Variants in SPTBN1 observed in about 807,000 individuals in gnomAD.
SPTBN1 encodes the protein spectrin beta, non-erythrocytic 1.
In SPTBN1, 32 loss-of-function variants were observed where a neutral mutation model predicts 266.4. That is an observed-to-expected ratio of 0.12 (90% CI 0.09 to 0.16). The LOEUF is 0.16. Among genes scored for constraint, SPTBN1 ranks in the 10% least tolerant of loss-of-function variants. The pLI is 1.00. For synonymous variants in SPTBN1, 1,336 were observed against 1,162.2 expected, an observed-to-expected ratio of 1.15 and a Z score of -3.04; for missense variants, 2,296 against 3,067.1, an observed-to-expected ratio of 0.75 and a Z score of 5.94.
At chr2:54,577,457 GA>G (rs1381097247) in intron 2 of SPTBN1, among the ~76,000 whole-genome samples, 3 of 152,204 alleles carry the variant, frequency 2.0e-5, no homozygotes, top group African/African-American at 7.2e-5. Context: ...GAAAGCAAAA[GA>G]AAAGGTATAT....
At chr2:54,579,679 C>T (rs1017323889) in intron 2 of SPTBN1, among the ~76,000 whole-genome samples, 16 of 152,140 alleles carry the variant, frequency 1.1e-4, no homozygotes, top group South Asian at 6.2e-4. Flanking sequence ...TTGTAAGTCC[C>T]GAGAACTCCT....
At chr2:54,495,025 T>A (rs2104053060) in intron 1 of SPTBN1, among the ~76,000 whole-genome samples, 1 of 151,906 alleles carries the variant, frequency 6.6e-6, no homozygotes, top group Admixed American at 6.6e-5. Context: ...GGGGCAGAAG[T>A]GGGCTGACAG....
At chr2:54,459,303 G>C (rs1208686531) in intron 1 of SPTBN1, among the ~76,000 whole-genome samples, 1 of 152,252 alleles carries the variant, frequency 6.6e-6, no homozygotes, top group East Asian at 1.9e-4. Flanking sequence ...TCTTGGGCAA[G>C]ACTAGTAACA....
intron 1 of SPTBN1, among the ~76,000 whole-genome samples, chr2:54,469,441 G>T (rs374906022): frequency 3.3e-5 from 5 of 152,280 alleles, no homozygotes; most frequent in African/African-American, 1.2e-4. Context: ...AATCTGAGCT[G>T]GGCTGGGTGG....
At chr2:54,457,104 C>T (rs551365321) in intron 1 of SPTBN1, among the ~76,000 whole-genome samples, 11 of 151,322 alleles carry the variant, frequency 7.3e-5, no homozygotes, top group African/African-American at 2.7e-4. Flanking sequence ...GCGGCGGCCC[C>T]GCGCCCCCAC....
intron 17 of SPTBN1, among the ~76,000 whole-genome samples, chr2:54,637,386 G>T (rs1679221533): frequency 6.6e-6 from 1 of 152,038 alleles, no homozygotes; most frequent in South Asian, 2.1e-4. Context: ...TTCTCCCCCG[G>T]TGCCTAAAAT....
At chr2:54,607,546 C>G (rs965800068) in intron 3 of SPTBN1, among the ~76,000 whole-genome samples, 4 of 152,126 alleles carry the variant, frequency 2.6e-5, no homozygotes, top group African/African-American at 9.7e-5. Flanking sequence ...CTCTTGAACC[C>G]AGGAGGCAGA....
chr2:54,662,203 A>G, intron 32 of SPTBN1: 2 of 985,450 alleles, frequency 2.0e-6, no homozygotes, highest in Non-Finnish European at 1.2e-6. Flanking sequence ...TGTACCCATC[A>G]TTTGATCATA....
At position 54,653,397 on chromosome 2, in the gene SPTBN1, A is replaced by G; in HGVS notation, c.5578-212A>G. ...GCATTTCATTTGTTTTATCATTCAT[A>G]AAGAACTTAATAATGTAGTTGAACA... is the stretch of plus-strand genomic sequence containing the variant. On this transcript the variant is annotated intron_variant, in intron 26 of 35. Transcript: ENST00000356805. The surrounding 1 kb of genome is among the most constrained non-coding windows in gnomAD (Gnocchi z 5.1). The G allele has an allele frequency of 1.5e-6, 1 of 645,832 alleles. No homozygotes were observed. Among genetic ancestry groups the G allele is most frequent in the South Asian group, 2.7e-5 (1 of 37,476 alleles). 40.0% of individuals were successfully genotyped at this position (645,832 alleles called of 1,614,324 possible).
intron 1 of SPTBN1, among the ~76,000 whole-genome samples, chr2:54,477,645 G>T (rs1437472627): frequency 6.6e-6 from 1 of 152,128 alleles, no homozygotes; most frequent in African/African-American, 2.4e-5. Flanking sequence ...TGGGCGCGGT[G>T]GCTCATGCCT....
intron 2 of SPTBN1, chr2:54,529,509 G>A (rs1330914255): frequency 5.6e-6 from 4 of 712,712 alleles, no homozygotes; most frequent in Non-Finnish European, 1.0e-5. Flanking sequence ...CTGAGACTCT[G>A]GAGGCCGCCC....
Position 54,647,132 on chromosome 2 carries a change from A to T in SPTBN1, c.4868A>T (p.Asp1623Val), listed in dbSNP as rs894290925. The T allele has an allele frequency of 6.2e-7, 1 of 1,614,176 alleles. No individual in the cohort carries two copies. Among genetic ancestry groups the T allele is most frequent in the Non-Finnish European group, 8.5e-7 (1 of 1,180,040 alleles). ...TGTGATGTTCTCCTGTCTTTGCAGG[A>T]TGAGCAGAGTGCTGTCTCCATGTTG... Reference protein sequence around the residue: ...LYMMSEEKAKDEQSAVSMLKK... With the variant: ...LYMMSEEKAKVEQSAVSMLKK... The change falls in exon 24 of 36, where the codon GAT becomes GTT. Residue 1623 changes from aspartate (D) to valine (V), a missense_variant and splice_region_variant. By Grantham distance (152) the Asp-to-Val change is radical. Transcript: ENST00000356805.
intron 1 of SPTBN1, among the ~76,000 whole-genome samples, chr2:54,470,705 G>T (rs1693876038): frequency 6.6e-6 from 1 of 152,146 alleles, no homozygotes; most frequent in African/African-American, 2.4e-5. Context: ...AGAACAGGGT[G>T]GCATGTGCCT....
chr2:54,564,275 G>C (rs1246726947), intron 2 of SPTBN1, among the ~76,000 whole-genome samples: 1 of 152,198 alleles, frequency 6.6e-6, no homozygotes, highest in Non-Finnish European at 1.5e-5. Context: ...TTGAGGAAAA[G>C]ATAGCACTTT....
At chr2:54,622,761 G>A (rs1678079045) in intron 9 of SPTBN1, among the ~76,000 whole-genome samples, 1 of 152,008 alleles carries the variant, frequency 6.6e-6, no homozygotes, top group African/African-American at 2.4e-5. Context: ...CAAAACCATT[G>A]TACCTAGTGT....
At position 54,631,555 on chromosome 2, in the gene SPTBN1, G is replaced by C; in HGVS notation, c.3508G>C (p.Ala1170Pro). ...NRQNLLSQSH[A>P]YQQFLRDTKQ... The stretch of plus-strand genomic sequence containing the variant: ...ACAAAATCTCCTATCCCAGTCACAT[G>C]CCTACCAGCAGTTCCTCAGAGACAC... The change falls in exon 16 of 36, where the codon GCC (alanine) becomes CCC (proline). Residue 1170 changes from alanine to proline, a missense_variant. Ala to Pro is a conservative substitution (Grantham distance 27). Coordinates refer to ENST00000356805, the MANE Select transcript of SPTBN1 (RefSeq NM_003128.3). 6.2e-7 allele frequency: 1 copy of C among 1,614,100 alleles called. No homozygotes were observed. The highest frequency in any genetic ancestry group is 8.5e-7 in the Non-Finnish European group (1 of 1,180,046).
At chr2:54,556,672 GGTGTGTGTGTGTGT>G (rs370878173) in intron 2 of SPTBN1, among the ~76,000 whole-genome samples, 35 of 151,584 alleles carry the variant, frequency 2.3e-4, no homozygotes, top group Admixed American at 7.2e-4. Context: ...GTCTTGATGT[GGTGTGTGTGTGTGT>G]GTTTGTGTGT....
chr2:54,580,074 C>T (rs896941881), intron 2 of SPTBN1, among the ~76,000 whole-genome samples: 3 of 152,192 alleles, frequency 2.0e-5, no homozygotes, highest in African/African-American at 7.2e-5. Flanking sequence ...GAGAGATTTC[C>T]GGGCTGGCTC....
intron 2 of SPTBN1, among the ~76,000 whole-genome samples, chr2:54,570,469 A>G (rs141538335): frequency 8.1e-4 from 124 of 152,340 alleles, no homozygotes; most frequent in African/African-American, 2.8e-3. Flanking sequence ...ACATAAATAC[A>G]AAGTCTGGAG....
Sources: gnomAD v4.1 joint callset for allele counts (sites outside exome capture counted in the v4.1 genomes callset) on GRCh38, gnomAD v4.1.1 for gene constraint, Gnocchi (gnomAD v3.1) non-coding constraint, MANE v1.5 for transcripts, NCBI Gene and HGNC (gene_info 2026-07-23, HGNC 2026-07-21) for gene names.